LRGUK: variants seen among roughly 807,000 people sequenced by gnomAD.
LRGUK encodes leucine rich repeats and guanylate kinase domain containing.
LRGUK carries 65 observed loss-of-function variants against 76.0 expected under a neutral mutation model. That is an observed-to-expected ratio of 0.85 (90% CI 0.70 to 1.05). The LOEUF (loss-of-function observed/expected upper bound fraction) is 1.05. Among genes scored for constraint, LRGUK ranks in the 50% least tolerant of loss-of-function variants. The pLI, the probability that LRGUK is intolerant of heterozygous loss-of-function variation, is 0.00. For missense variants in LRGUK, 758 were observed against 732.8 expected, an observed-to-expected ratio of 1.03 and a Z score of -0.40; for synonymous variants, 268 against 265.6, an observed-to-expected ratio of 1.01 and a Z score of -0.09.
At chr7:134,256,415 C>T (rs1020592058) in intron 18 of LRGUK, among the ~76,000 whole-genome samples, 7 of 147,708 alleles carry the variant, frequency 4.7e-5, no homozygotes, top group East Asian at 2.0e-4. Flanking sequence ...GCTGAGATGG[C>T]GCCATTGCAC....
intron 15 of LRGUK, among the ~76,000 whole-genome samples, chr7:134,221,204 T>G (rs943824390): frequency 3.3e-5 from 5 of 152,196 alleles, no homozygotes; most frequent in African/African-American, 9.7e-5. Flanking sequence ...ACTCCTGAAA[T>G]TGTTGATGCT....
At chr7:134,195,302 G>A (rs1297531080) in intron 12 of LRGUK, among the ~76,000 whole-genome samples, 1 of 152,146 alleles carries the variant, frequency 6.6e-6, no homozygotes. Context: ...TCCTACAAAG[G>A]CAGTCTAGTC....
intron 18 of LRGUK, among the ~76,000 whole-genome samples, chr7:134,257,224 T>C (rs535921807): frequency 6.6e-6 from 1 of 152,224 alleles, no homozygotes; most frequent in Non-Finnish European, 1.5e-5. Context: ...AGGCAAGATT[T>C]ATCCAAAACG....
intron 10 of LRGUK, among the ~76,000 whole-genome samples, chr7:134,182,534 T>A (rs761242642): frequency 1.6e-4 from 24 of 152,356 alleles, no homozygotes; most frequent in Middle Eastern, 3.4e-3. Context: ...CATAGGCTTT[T>A]GCTCTCAAGT....
chr7:134,177,151 C>A (rs1206240115), intron 9 of LRGUK, 88 bp downstream of exon 9: 1 of 734,300 alleles, frequency 1.4e-6, no homozygotes, highest in Non-Finnish European at 2.3e-6. Context: ...GCAATATAAT[C>A]AATAAATAAG....
intron 18 of LRGUK, among the ~76,000 whole-genome samples, chr7:134,252,267 G>T (rs182612868): frequency 6.6e-6 from 1 of 152,070 alleles, no homozygotes; most frequent in East Asian, 1.9e-4. Flanking sequence ...GAACACAAGA[G>T]GTTAAAGCTG....
At chr7:134,162,063 A>G (rs1275555417) in intron 6 of LRGUK, among the ~76,000 whole-genome samples, 1 of 152,182 alleles carries the variant, frequency 6.6e-6, no homozygotes, top group Non-Finnish European at 1.5e-5. Context: ...TCTTCGTTTT[A>G]TTCTGATTAT....
At chr7:134,225,033 CA>C (rs1801699129) in intron 16 of LRGUK, among the ~76,000 whole-genome samples, 1 of 134,688 alleles carries the variant, frequency 7.4e-6, no homozygotes, top group Non-Finnish European at 1.5e-5. Context: ...GCCAAGGCAA[CA>C]AGAGTGAAAC....
intron 16 of LRGUK, among the ~76,000 whole-genome samples, chr7:134,233,208 G>T (rs775758383): frequency 6.6e-6 from 1 of 152,294 alleles, no homozygotes; most frequent in East Asian, 1.9e-4. Flanking sequence ...TGCATGGTTG[G>T]CTCCCTGGAA....
intron 19 of LRGUK, among the ~76,000 whole-genome samples, chr7:134,259,270 G>C (rs953381649): frequency 1.3e-5 from 2 of 152,176 alleles, no homozygotes; most frequent in African/African-American, 4.8e-5. Flanking sequence ...AAATAACACT[G>C]AGTAAAGACC....
At chr7:134,135,899 G>T (rs1219684804) in intron 1 of LRGUK, among the ~76,000 whole-genome samples, 41 of 152,126 alleles carry the variant, frequency 2.7e-4, no homozygotes, top group Non-Finnish European at 4.7e-4. Flanking sequence ...CTTGCGAACC[G>T]CCCACCTTGG....
chr7:134,140,016 T>C (rs1563138453), intron 3 of LRGUK, among the ~76,000 whole-genome samples: 1 of 152,220 alleles, frequency 6.6e-6, no homozygotes, highest in Non-Finnish European at 1.5e-5. Flanking sequence ...TTGCCCAGGC[T>C]GGAGTGCAGT....
chr7:134,233,777 A>C (rs1801954337), intron 16 of LRGUK, among the ~76,000 whole-genome samples: 1 of 152,112 alleles, frequency 6.6e-6, no homozygotes, highest in Non-Finnish European at 1.5e-5. Context: ...CCAGGGATCA[A>C]CGTGAATCTC....
At chr7:134,183,082 T>C (rs1380047703) in intron 10 of LRGUK, among the ~76,000 whole-genome samples, 2 of 152,210 alleles carry the variant, frequency 1.3e-5, no homozygotes, top group African/African-American at 2.4e-5. Context: ...ATCAATTCAT[T>C]CTTTAGTCCA....
intron 15 of LRGUK, among the ~76,000 whole-genome samples, chr7:134,204,670 A>C (rs547959978): frequency 6.6e-6 from 1 of 152,230 alleles, no homozygotes; most frequent in Non-Finnish European, 1.5e-5. Flanking sequence ...AAACTTGCAC[A>C]TTGTAGAGGC....
intron 11 of LRGUK, 71 bp from the exon 12 acceptor site, chr7:134,191,584 T>G (rs540272261): frequency 1.0e-6 from 1 of 1,003,552 alleles, no homozygotes; most frequent in Non-Finnish European, 1.5e-6. Context: ...AAAACATAAT[T>G]TATATTGAAA....
intron 7 of LRGUK, among the ~76,000 whole-genome samples, chr7:134,173,218 T>C (rs1799332328): frequency 6.6e-6 from 1 of 152,232 alleles, no homozygotes; most frequent in African/African-American, 2.4e-5. Flanking sequence ...ATTAATGTGT[T>C]CAGGTTGTAG....
chr7:134,209,563 T>A, exon 16 of LRGUK: 1 of 398,646 alleles, frequency 2.5e-6, no homozygotes, highest in Non-Finnish European at 4.4e-6. Flanking sequence ...TGCCCCAGCC[T>A]CAGGTGCTGG....
chr7:134,182,887 G>A (rs992619997), intron 10 of LRGUK, among the ~76,000 whole-genome samples: 11 of 152,038 alleles, frequency 7.2e-5, no homozygotes, highest in African/African-American at 1.7e-4. Flanking sequence ...TCTGCCTCCC[G>A]AGTAACTGGG....
Sources: gnomAD v4.1 joint callset for allele counts (sites outside exome capture counted in the v4.1 genomes callset) on GRCh38, gnomAD v4.1.1 for gene constraint, MANE v1.5 for transcripts, NCBI Gene and HGNC (gene_info 2026-07-23, HGNC 2026-07-21) for gene names.